The following NEGR1 variants were observed in gnomAD, a reference collection of about 807,000 sequenced individuals.
The protein encoded by NEGR1 is neuronal growth regulator 1, also known as IgLON family member 4.
In NEGR1, 10 loss-of-function variants were observed where a neutral mutation model predicts 40.9. The ratio of observed to expected loss-of-function variants is 0.24; its 90% CI spans 0.15 to 0.42. The LOEUF is 0.42. Among genes scored for constraint, NEGR1 ranks in the 10% least tolerant of loss-of-function variants. The pLI is 1.00. For synonymous variants in NEGR1, 185 were observed against 166.8 expected, an observed-to-expected ratio of 1.11 and a Z score of -0.84; for missense variants, 352 against 438.9, an observed-to-expected ratio of 0.80 and a Z score of 1.77.
chr1:72,114,533 T>A (rs1164960517), intron 1 of NEGR1, among the ~76,000 whole-genome samples: 1 of 151,828 alleles, frequency 6.6e-6, no homozygotes, highest in Non-Finnish European at 1.5e-5. Context: ...TCTCTTACTT[T>A]TTGTCATCTA....
intron 2 of NEGR1, among the ~76,000 whole-genome samples, chr1:71,930,220 T>A (rs1269624603): frequency 6.6e-6 from 1 of 152,174 alleles, no homozygotes; most frequent in Non-Finnish European, 1.5e-5. Flanking sequence ...GCCTTATGAA[T>A]GAATGCTATG....
chr1:71,847,063 T>C (rs1316984763), intron 2 of NEGR1, among the ~76,000 whole-genome samples: 1 of 152,170 alleles, frequency 6.6e-6, no homozygotes, highest in Admixed American at 6.6e-5. Flanking sequence ...TACTACTCTG[T>C]ATACCACTCC....
chr1:71,458,595 G>A (rs1043131407), intron 6 of NEGR1, among the ~76,000 whole-genome samples: 4 of 152,118 alleles, frequency 2.6e-5, no homozygotes, highest in Non-Finnish European at 5.9e-5. Flanking sequence ...TAATCCATAA[G>A]CATCTTGGAG....
At chr1:71,576,103 G>C (rs1014824793) in intron 6 of NEGR1, among the ~76,000 whole-genome samples, 1 of 152,110 alleles carries the variant, frequency 6.6e-6, no homozygotes, top group South Asian at 2.1e-4. Flanking sequence ...GAGCCACAGA[G>C]GACAAAGAAC....
At chr1:72,251,061 T>C (rs1314642741) in intron 1 of NEGR1, among the ~76,000 whole-genome samples, 1 of 152,216 alleles carries the variant, frequency 6.6e-6, no homozygotes, top group Non-Finnish European at 1.5e-5. Flanking sequence ...GGATTTCTTA[T>C]GCCTATGTGA....
intron 6 of NEGR1, among the ~76,000 whole-genome samples, chr1:71,505,715 T>C (rs1411877722): frequency 2.6e-5 from 4 of 152,172 alleles, no homozygotes; most frequent in African/African-American, 9.7e-5. Context: ...AAAAATCCTA[T>C]AACTGGGAGA....
intron 1 of NEGR1, among the ~76,000 whole-genome samples, chr1:71,999,670 T>TAC (rs1646539326): frequency 2.0e-5 from 1 of 51,120 alleles, no homozygotes; most frequent in African/African-American, 5.9e-5. Context: ...TATATATATA[T>TAC]ATATATATAC....
chr1:71,845,298 C>G (rs975227379), intron 2 of NEGR1, among the ~76,000 whole-genome samples: 2 of 151,560 alleles, frequency 1.3e-5, no homozygotes, highest in African/African-American at 4.8e-5. Flanking sequence ...TAAATAGTAA[C>G]CAATTTGTGC....
intron 3 of NEGR1, among the ~76,000 whole-genome samples, chr1:71,729,099 C>G (rs1026339575): frequency 3.3e-5 from 5 of 152,064 alleles, no homozygotes; most frequent in Non-Finnish European, 5.9e-5. Context: ...TTCTCCTCTA[C>G]TCCAAGCATA....
chr1:71,801,165 T>C (rs973113768), intron 2 of NEGR1, among the ~76,000 whole-genome samples: 1 of 152,190 alleles, frequency 6.6e-6, no homozygotes, highest in Non-Finnish European at 1.5e-5. Flanking sequence ...TTTCTGGACA[T>C]CACACTCTCC....
chr1:72,273,618 T>C (rs1330546892), intron 1 of NEGR1, among the ~76,000 whole-genome samples: 1 of 151,872 alleles, frequency 6.6e-6, no homozygotes, highest in Non-Finnish European at 1.5e-5. Context: ...ACACACAAAA[T>C]AGAAGTTAAT....
intron 2 of NEGR1, among the ~76,000 whole-genome samples, chr1:71,793,527 A>G (rs1270929381): frequency 6.6e-6 from 1 of 151,766 alleles, no homozygotes; most frequent in Non-Finnish European, 1.5e-5. Flanking sequence ...AAGATTCAAG[A>G]TACAAAATTT....
chr1:71,863,495 G>T (rs1159069202), intron 2 of NEGR1, among the ~76,000 whole-genome samples: 1 of 152,074 alleles, frequency 6.6e-6, no homozygotes, highest in East Asian at 1.9e-4. Context: ...AATGGGTGCT[G>T]GGCTTAATAC....
chr1:72,113,880 C>A (rs1318079123), intron 1 of NEGR1, among the ~76,000 whole-genome samples: 1 of 151,752 alleles, frequency 6.6e-6, no homozygotes, highest in Non-Finnish European at 1.5e-5. Context: ...CAGCATCACA[C>A]AGACTGCTTT....
intron 2 of NEGR1, among the ~76,000 whole-genome samples, chr1:71,839,400 G>C (rs1253990344): frequency 6.6e-6 from 1 of 151,158 alleles, no homozygotes. Flanking sequence ...TAGTAGAGAT[G>C]GGGTTTCGCC....
At chr1:72,254,612 G>C (rs925214223) in intron 1 of NEGR1, among the ~76,000 whole-genome samples, 1 of 149,794 alleles carries the variant, frequency 6.7e-6, no homozygotes, top group African/African-American at 2.5e-5. Flanking sequence ...TGAGGCAGGA[G>C]AATGGTGTGA....
chr1:71,632,020 C>T (rs1444924536), intron 4 of NEGR1, among the ~76,000 whole-genome samples: 1 of 151,560 alleles, frequency 6.6e-6, no homozygotes, highest in Non-Finnish European at 1.5e-5. Context: ...ACTTCAAAGG[C>T]TTGTTGTGGC....
chr1:71,715,328 C>T (rs548242310), intron 3 of NEGR1, among the ~76,000 whole-genome samples: 2 of 152,212 alleles, frequency 1.3e-5, no homozygotes, highest in Non-Finnish European at 2.9e-5. Context: ...AGACATCTGA[C>T]ATGCCCTGGA....
chr1:71,895,545 T>C (rs1035131423), intron 2 of NEGR1, among the ~76,000 whole-genome samples: 8 of 152,182 alleles, frequency 5.3e-5, no homozygotes, highest in East Asian at 1.9e-4. Flanking sequence ...AATGGAATAA[T>C]AACATTTGTG....
Sources: allele counts gnomAD v4.1 joint callset (sites outside exome capture counted in the v4.1 genomes callset), GRCh38; gene constraint gnomAD v4.1.1; transcripts MANE v1.5; gene names NCBI Gene and HGNC (gene_info 2026-07-23, HGNC 2026-07-21).